Variants in KALRN observed in about 807,000 individuals in gnomAD.
KALRN encodes kalirin.
KALRN carries 70 observed loss-of-function variants against 353.7 expected under a neutral mutation model. The ratio of observed to expected loss-of-function variants is 0.20; its 90% confidence interval spans 0.16 to 0.24. The LOEUF is 0.24. Ranked by LOEUF, KALRN falls within the 10% of genes least tolerant of loss-of-function variation. The pLI is 1.00. For synonymous variants in KALRN, 1,391 were observed against 1,434.8 expected (o/e 0.97, Z 0.69); for missense variants, 2,791 against 3,756.7 (o/e 0.74, Z 6.72).
At chr3:124,612,329 A>G (rs1397789468) in intron 34 of KALRN, among the ~76,000 whole-genome samples, 2 of 151,578 alleles carry the variant, frequency 1.3e-5, no homozygotes, top group Non-Finnish European at 2.9e-5. Context: ...TCAGCCTCCC[A>G]AGTAGCTGGG....
chr3:124,128,196 T>C (rs2064897563), intron 1 of KALRN, among the ~76,000 whole-genome samples: 2 of 152,200 alleles, frequency 1.3e-5, no homozygotes, highest in South Asian at 4.1e-4. Flanking sequence ...CACTAACTTT[T>C]CTCAAGTTAT....
At chr3:124,249,679 C>T (rs1274958176) in intron 3 of KALRN, among the ~76,000 whole-genome samples, 2 of 152,074 alleles carry the variant, frequency 1.3e-5, no homozygotes, top group Non-Finnish European at 2.9e-5. Flanking sequence ...AGGGATTCTT[C>T]CACCCTATAT....
At chr3:124,094,956 C>G in intron 1 of KALRN, 1 of 1,505,468 alleles carries the variant, frequency 6.6e-7, no homozygotes. Context: ...GATAAATACA[C>G]ATAGAGACAT....
intron 1 of KALRN, among the ~76,000 whole-genome samples, chr3:124,155,793 T>C (rs1014970396): frequency 1.3e-5 from 2 of 152,244 alleles, no homozygotes; most frequent in Non-Finnish European, 2.9e-5. Context: ...GGAAACAGGC[T>C]TGGCTCATGC....
intron 1 of KALRN, among the ~76,000 whole-genome samples, chr3:124,105,968 G>A (rs2062268381): frequency 6.6e-6 from 1 of 152,196 alleles, no homozygotes; most frequent in East Asian, 1.9e-4. Context: ...AGTATTCCAG[G>A]GACAGTGCTA....
rs151072582 is a variant in KALRN at position 124,345,435 on chromosome 3, G to A, written c.1648-1708G>A. Among the ~76,000 whole-genome samples, 771 of 152,098 alleles carry A rather than the reference G, an allele frequency of 5.1e-3. 12 individuals are homozygous for A. Among genetic ancestry groups the A allele is most frequent in the Non-Finnish European group, 5.0e-3 (338 of 68,018 alleles). On this transcript the variant is annotated intron_variant, in intron 9 of 59. Transcript: ENST00000682506. ...GATTTTTTTTGGTTGAAGTTTCACCGTAAGTAATTCTAGAGAAACGCAGGC... is the reference window on the plus strand; with the variant it reads ...GATTTTTTTTGGTTGAAGTTTCACCATAAGTAATTCTAGAGAAACGCAGGC...
intron 6 of KALRN, among the ~76,000 whole-genome samples, chr3:124,306,564 CAG>C (rs112463595): frequency 0.061 from 9,279 of 151,748 alleles, 912 homozygotes; most frequent in East Asian, 0.47. Flanking sequence ...GAGGAAGAAA[CAG>C]AAAAAAATTA....
intron 6 of KALRN, among the ~76,000 whole-genome samples, chr3:124,318,284 A>G (rs1044426344): frequency 3.3e-5 from 5 of 152,170 alleles, no homozygotes; most frequent in Non-Finnish European, 7.3e-5. Flanking sequence ...AGACCTGATC[A>G]GATAGTCATC....
chr3:124,090,745 G>T (rs373189317), intron 1 of KALRN, among the ~76,000 whole-genome samples: 6 of 152,304 alleles, frequency 3.9e-5, no homozygotes, highest in African/African-American at 1.4e-4. Context: ...TGAAGCGGAT[G>T]GATCACCATT....
chr3:124,603,914 G>A (rs185831598), intron 34 of KALRN, among the ~76,000 whole-genome samples: 5 of 152,168 alleles, frequency 3.3e-5, no homozygotes, highest in African/African-American at 9.6e-5. Context: ...TGCTTCAGAT[G>A]GAGCCTGGTG....
At chr3:124,637,349 C>A in intron 37 of KALRN, 46 bp downstream of exon 37, 1 of 1,351,686 alleles carries the variant, frequency 7.4e-7, no homozygotes, top group Non-Finnish European at 1.1e-6. Flanking sequence ...CTCACCTTCA[C>A]ACTGCTCCAG....
intron 1 of KALRN, among the ~76,000 whole-genome samples, chr3:124,208,316 A>G (rs1248675426): frequency 6.6e-6 from 1 of 152,230 alleles, no homozygotes; most frequent in African/African-American, 2.4e-5. Flanking sequence ...TTGAGCTTCA[A>G]ATGCTGTAAG....
intron 25 of KALRN, among the ~76,000 whole-genome samples, chr3:124,465,508 A>AT (rs1377114864): frequency 1.3e-5 from 2 of 152,108 alleles, no homozygotes; most frequent in South Asian, 2.1e-4. Flanking sequence ...ATTAGGTATG[A>AT]TTTTTTCCCC....
In KALRN at chr3:124,461,870, G is replaced by T; in HGVS notation, c.3855-20G>T. 1 of 1,596,322 alleles carries T rather than the reference G, an allele frequency of 6.3e-7. No homozygotes were observed. The highest frequency in any genetic ancestry group is 8.6e-7 in the Non-Finnish European group (1 of 1,164,222). On this transcript the variant is annotated intron_variant, in intron 23 of 59. Transcript: ENST00000682506. ...ACATTATATCTATATCCAAGTAAAA[G>T]CCCATTTGTTTCCTTCTAGATTTAT...
chr3:124,087,360 A>G (rs2060879991), intron 1 of KALRN, among the ~76,000 whole-genome samples: 1 of 152,114 alleles, frequency 6.6e-6, no homozygotes, highest in Non-Finnish European at 1.5e-5. Flanking sequence ...TTAATTAGGC[A>G]CCCTCTGTGA....
chr3:124,225,429 T>G (rs1202990855), intron 1 of KALRN, among the ~76,000 whole-genome samples: 4 of 152,324 alleles, frequency 2.6e-5, no homozygotes, highest in Middle Eastern at 3.4e-3. Context: ...CACTTTAGGT[T>G]TACTTGTGGA....
At chr3:124,236,090 G>A (rs2079716057) in intron 3 of KALRN, among the ~76,000 whole-genome samples, 1 of 152,004 alleles carries the variant, frequency 6.6e-6, no homozygotes, top group South Asian at 2.1e-4. Context: ...ATGGAATTGT[G>A]AGCCCTGAAG....
chr3:124,399,424 C>T (rs2090583279), intron 13 of KALRN, among the ~76,000 whole-genome samples: 1 of 152,218 alleles, frequency 6.6e-6, no homozygotes, highest in Non-Finnish European at 1.5e-5. Context: ...AGGCATGAGC[C>T]ACTGTGCCTA....
At chr3:124,066,086 C>T (rs1290413813) in intron 1 of KALRN, among the ~76,000 whole-genome samples, 1 of 152,130 alleles carries the variant, frequency 6.6e-6, no homozygotes, top group South Asian at 2.1e-4. Flanking sequence ...AGAGGGGCAG[C>T]AGGTCATCTC....
Sources: gnomAD v4.1 joint callset for allele counts (sites outside exome capture counted in the v4.1 genomes callset) on GRCh38, gnomAD v4.1.1 for gene constraint, MANE v1.5 for transcripts, NCBI Gene and HGNC (gene_info 2026-07-23, HGNC 2026-07-21) for gene names.